The following CALCA variants were observed in gnomAD, a reference collection of about 807,000 sequenced individuals.
CALCA encodes the protein calcitonin.
Under a neutral mutation model 6.9 loss-of-function variants are expected in CALCA, and 4 were observed. The observed-to-expected ratio is 0.58, with a 90% CI of 0.29 to 1.33. The LOEUF (loss-of-function observed/expected upper bound fraction) is 1.33. Ranked by LOEUF, CALCA falls within the 40% of genes most tolerant of loss-of-function variation. The pLI is 0.09. For missense variants in CALCA, 174 were observed against 178.3 expected, an observed-to-expected ratio of 0.98 and a Z score of 0.14; for synonymous variants, 78 against 70.0, an observed-to-expected ratio of 1.11 and a Z score of -0.57.
chr11:14,968,578 G>A lies in CALCA; in HGVS notation c.*221C>T, dbSNP rs1037334617. ...ACAGAGGAGCTCTGATGACATCTCT[G>A]GGGGACTCAAAGCGGCCCTCATTTT... On this transcript the variant is annotated 3_prime_UTR_variant, in exon 4 of 4. Coordinates refer to ENST00000331587, the MANE Select transcript of CALCA (RefSeq NM_001741.3). 7 of 1,449,650 alleles carry A rather than the reference G, an allele frequency of 4.8e-6. No homozygotes were observed. The Admixed American group carries it at 1.6e-4, about 34-fold the overall frequency. The allele number at this position is 1,449,650 out of a possible 1,614,324, so 89.8% of individuals were successfully genotyped here. A position where few individuals can be genotyped will look rare whatever the true frequency, so the allele number is the denominator to read the frequency against.
chr11:14,971,229 C>G (rs1555026475), intron 1 of CALCA, 28 bp from the exon 2 acceptor site: 1 of 1,530,842 alleles, frequency 6.5e-7, no homozygotes, highest in Non-Finnish European at 9.1e-7. Context: ...GATAAACCAC[C>G]TGCGCCAGTT....
Position 14,968,568 on chromosome 11 carries a change from T to C in CALCA, c.*231A>G. 1 of 1,427,988 alleles carries C rather than the reference T, an allele frequency of 7.0e-7. No individual in the cohort carries two copies. The highest frequency in any genetic ancestry group is 1.4e-5 in the South Asian group (1 of 69,380). 88.5% of individuals were successfully genotyped at this position (1,427,988 alleles called of 1,614,324 possible). A position where few individuals can be genotyped will look rare whatever the true frequency, so the allele number is the denominator to read the frequency against. On this transcript the variant is annotated 3_prime_UTR_variant, in exon 4 of 4. Transcript: ENST00000331587. ...CAGAAGCAGGACAGAGGAGCTCTGA[T>C]GACATCTCTGGGGGACTCAAAGCGG...
Position 14,968,906 on chromosome 11 carries a change from G to GGAAC in CALCA, c.315_318dup (p.Pro107ValfsTer30). ...GCTCCAACCCCAATTGCAGTTTGGGGGAACGTGTGAAACTTGTTGAAGTCC... is the reference window on the plus strand; with the variant it reads ...GCTCCAACCCCAATTGCAGTTTGGGGGAACGAACGTGTGAAACTTGTTGAAGTCC... On this transcript the variant is annotated frameshift_variant, in exon 4 of 4. Transcript: ENST00000331587. LOFTEE classifies it low-confidence loss of function (END_TRUNC). 6.2e-7 allele frequency: 1 copy of GGAAC among 1,614,136 alleles called. No homozygotes were observed. Among genetic ancestry groups the GGAAC allele is most frequent in the Non-Finnish European group, 8.5e-7 (1 of 1,180,040 alleles).
intron 2 of CALCA, 47 bp downstream of exon 2, chr11:14,971,060 A>G (rs34294892): frequency 3.3e-6 from 5 of 1,509,338 alleles, no homozygotes; most frequent in Non-Finnish European, 3.7e-6. Flanking sequence ...CTTAAGAGGC[A>G]TGGAATTGTC....
At chr11:14,972,017 G>T (rs143577928) in intron 1 of CALCA, among the ~76,000 whole-genome samples, 46 of 152,318 alleles carry the variant, frequency 3.0e-4, no homozygotes, top group African/African-American at 1.0e-3. Flanking sequence ...TGTGCAGTGC[G>T]AGAGAGTAAG....
rs577497086 is a variant in CALCA, at chr11:14,970,995, G to T, written c.86+112C>A. ...ATATCAAAAAATTATATATGTGCAT[G>T]AGTACATACCTTACCCCGGCCCCCT... On this transcript the variant is annotated intron_variant, in intron 2 of 3. Coordinates refer to ENST00000331587, the MANE Select transcript of CALCA (RefSeq NM_001741.3). 3.4e-5 allele frequency: 27 copies of T among 803,778 alleles called. No individual in the cohort carries two copies. The East Asian group carries it at 5.9e-4, about 17-fold the overall frequency. The allele number at this position is 803,778 out of a possible 1,614,324, so 49.8% of individuals were successfully genotyped here. A position where few individuals can be genotyped will look rare whatever the true frequency, so the allele number is the denominator to read the frequency against.
chr11:14,971,253 G>T, intron 1 of CALCA, 52 bp from the exon 2 acceptor site: 6 of 1,149,428 alleles, frequency 5.2e-6, no homozygotes, highest in Non-Finnish European at 7.9e-6. Context: ...AGTTCTAGGA[G>T]CCCACAGACC....
downstream of CALCA, chr11:14,966,748 C>A (rs1225982263): frequency 6.6e-6 from 1 of 152,612 alleles, no homozygotes; most frequent in Non-Finnish European, 1.5e-5. Context: ...ACAAATACTT[C>A]TGTCAAGGCA....
At chr11:14,970,812 A>G (rs1305101097) in intron 2 of CALCA, among the ~76,000 whole-genome samples, 1 of 152,094 alleles carries the variant, frequency 6.6e-6, no homozygotes, top group Admixed American at 6.5e-5. Flanking sequence ...AGGCAGGAGA[A>G]TTGCTTGAAC....
chr11:14,969,520 G>T (rs1555025983), intron 3 of CALCA, among the ~76,000 whole-genome samples: 1 of 151,766 alleles, frequency 6.6e-6, no homozygotes, highest in African/African-American at 2.4e-5. Flanking sequence ...CTCCTTGCAG[G>T]TGTGAAAGAA....
chr11:14,969,209 T>A (rs1293492805), intron 3 of CALCA, among the ~76,000 whole-genome samples: 1 of 152,150 alleles, frequency 6.6e-6, no homozygotes, highest in Non-Finnish European at 1.5e-5. Flanking sequence ...TGATCTTTTC[T>A]GGCATTCCAC....
downstream of CALCA, chr11:14,967,907 G>A: frequency 6.2e-7 from 1 of 1,605,124 alleles, no homozygotes; most frequent in Non-Finnish European, 8.5e-7. Context: ...GAGGCTGGGA[G>A]AGAGGTCAGC....
chr11:14,966,852 C>T (rs13306223), downstream of CALCA: 6 of 152,580 alleles, frequency 3.9e-5, no homozygotes, highest in African/African-American at 7.2e-5. Flanking sequence ...GGGTGGCTGA[C>T]GGGGCCTAGA....
downstream of CALCA, chr11:14,967,658 A>G (rs1555025596): frequency 1.9e-6 from 3 of 1,613,292 alleles, no homozygotes; most frequent in Admixed American, 1.7e-5. Context: ...CCATCCCATC[A>G]TACAAGGGCA....
rs1399310735 is a variant in CALCA at position 14,970,130 on chromosome 11, C to G, written c.87-55G>C. Reference sequence around the variant, plus strand: ...CTGTGAGCCCCTGCCTGCCCCTCCCCAGGATAAGCAGCCAGGCTTCCTGGT... The same window carrying G: ...CTGTGAGCCCCTGCCTGCCCCTCCCGAGGATAAGCAGCCAGGCTTCCTGGT... On this transcript the variant is annotated intron_variant, in intron 2 of 3. Transcript: ENST00000331587. 8.7e-6 allele frequency: 14 copies of G among 1,603,612 alleles called. No homozygotes were observed. The Admixed American group carries it at 1.9e-4, about 22-fold the overall frequency.
At chr11:14,967,424 A>G (rs1849481417), downstream of CALCA, among the ~76,000 whole-genome samples, 2 of 152,208 alleles carry the variant, frequency 1.3e-5, no homozygotes, top group Non-Finnish European at 2.9e-5. Context: ...TAAATGTCAA[A>G]CAGCAGTGTT....
Position 14,972,261 on chromosome 11 carries a change from T to G in CALCA, c.-26A>C. 6.5e-6 allele frequency: 1 copy of G among 154,586 alleles called. No homozygotes were observed. The allele number at this position is 154,586 out of a possible 1,614,324, so 9.6% of individuals were successfully genotyped here. A position where few individuals can be genotyped will look rare whatever the true frequency, so the allele number is the denominator to read the frequency against. Reference sequence around the variant, plus strand: ...GGGGCTCACCTGGCGGGAGGTGGCTTGGATCAGAGGCGGTGGCAGCGGCGG... The same window carrying G: ...GGGGCTCACCTGGCGGGAGGTGGCTGGGATCAGAGGCGGTGGCAGCGGCGG... On this transcript the variant is annotated 5_prime_UTR_variant, in exon 1 of 4. Transcript: ENST00000331587.
Position 14,970,112 on chromosome 11 carries a change from C to T in CALCA, c.87-37G>A, listed in dbSNP as rs782482262. ...AAGCAAACTCAGTGCAGGCTGTGAG[C>T]CCCTGCCTGCCCCTCCCCAGGATAA... is the stretch of plus-strand genomic sequence containing the variant. On this transcript the variant is annotated intron_variant, in intron 2 of 3. Transcript: ENST00000331587. 19 of 1,610,660 alleles carry T rather than the reference C, an allele frequency of 1.2e-5. No homozygotes were observed. The East Asian group carries it at 1.8e-4, about 15-fold the overall frequency.
At chr11:14,969,186 G>T (rs1849530868) in intron 3 of CALCA, among the ~76,000 whole-genome samples, 189 bp from the exon 4 acceptor site, 1 of 152,134 alleles carries the variant, frequency 6.6e-6, no homozygotes. Context: ...GGGAAGGGCT[G>T]GATGGGGAAG....
Sources: gnomAD v4.1 joint callset for allele counts (sites outside exome capture counted in the v4.1 genomes callset) on GRCh38, gnomAD v4.1.1 for gene constraint, MANE v1.5 for transcripts, NCBI Gene and HGNC (gene_info 2026-07-23, HGNC 2026-07-21) for gene names.